LRRIQ3: variants seen among roughly 807,000 people sequenced by gnomAD.
The protein encoded by LRRIQ3 is leucine-rich repeat and IQ domain-containing protein 3.
LRRIQ3 carries 75 observed loss-of-function variants against 59.3 expected under a neutral mutation model. That is an observed-to-expected ratio of 1.26 (90% CI 1.05 to 1.53). The LOEUF (loss-of-function observed/expected upper bound fraction) is 1.53. Among genes scored for constraint, LRRIQ3 ranks in the 40% most tolerant of loss-of-function variants. The probability of loss-of-function intolerance (pLI) is 0.00; values close to 1 mark genes in which losing one functional copy is unlikely to be tolerated. For missense variants in LRRIQ3, 831 were observed against 710.0 expected (o/e 1.17, Z -1.94); for synonymous variants, 250 against 231.3 (o/e 1.08, Z -0.73).
intron 6 of LRRIQ3, among the ~76,000 whole-genome samples, chr1:74,050,812 T>C (rs1654347031): frequency 6.6e-6 from 1 of 152,132 alleles, no homozygotes; most frequent in South Asian, 2.1e-4. Flanking sequence ...ACGTACTGAG[T>C]TCTTCCTGAT....
chr1:74,037,796 G>A lies in LRRIQ3; in HGVS notation c.1718+3417C>T, dbSNP rs116499505. 5.2e-3 allele frequency among the ~76,000 whole-genome samples: 793 copies of A among 152,302 alleles called. 10 individuals are homozygous for A. The highest frequency in any genetic ancestry group is 0.018 in the African/African-American group (764 of 41,566). ...AGCCCCCACACCCCAGTCAAGGGAG[G>A]TGGTGAGTGTGCTACCCAGCCTAGG... On this transcript the variant is annotated intron_variant, in intron 7 of 7. Transcript: ENST00000354431.
At chr1:74,050,337 T>G (rs1654335504) in intron 6 of LRRIQ3, among the ~76,000 whole-genome samples, 1 of 152,212 alleles carries the variant, frequency 6.6e-6, no homozygotes, top group South Asian at 2.1e-4. Flanking sequence ...ATGGCTTGTT[T>G]TAGATATAGT....
chr1:74,051,627 C>G (rs1245496695), intron 6 of LRRIQ3, among the ~76,000 whole-genome samples: 2 of 152,038 alleles, frequency 1.3e-5, no homozygotes, highest in Non-Finnish European at 2.9e-5. Flanking sequence ...AAACCCCATA[C>G]GCATTAGAGT....
chr1:74,134,206 C>T (rs555861063), intron 4 of LRRIQ3, among the ~76,000 whole-genome samples: 59 of 152,080 alleles, frequency 3.9e-4, no homozygotes, highest in African/African-American at 1.4e-3. Context: ...CCCAAAATTA[C>T]CATTTTAAGA....
chr1:74,165,424 T>C (rs1032181566), intron 3 of LRRIQ3, among the ~76,000 whole-genome samples: 1 of 151,646 alleles, frequency 6.6e-6, no homozygotes, highest in Non-Finnish European at 1.5e-5. Flanking sequence ...ATATAATTTT[T>C]GTATGTTTAT....
intron 4 of LRRIQ3, among the ~76,000 whole-genome samples, chr1:74,129,826 T>C (rs941478415): frequency 3.3e-5 from 5 of 151,908 alleles, no homozygotes; most frequent in African/African-American, 7.2e-5. Context: ...ACTGGGTCTT[T>C]CTCTTCAAGA....
intron 5 of LRRIQ3, among the ~76,000 whole-genome samples, chr1:74,099,631 G>C (rs535210758): frequency 1.1e-4 from 16 of 152,264 alleles, no homozygotes; most frequent in Non-Finnish European, 2.1e-4. Flanking sequence ...CAATATCCCT[G>C]ATGAACATCG....
chr1:74,109,987 T>C (rs1646672079), intron 4 of LRRIQ3, among the ~76,000 whole-genome samples: 1 of 151,762 alleles, frequency 6.6e-6, no homozygotes, highest in African/African-American at 2.4e-5. Flanking sequence ...AACTAGGAAA[T>C]ATACTCTAGA....
At chr1:74,042,850 G>A (rs1195579851) in intron 6 of LRRIQ3, among the ~76,000 whole-genome samples, 1 of 151,980 alleles carries the variant, frequency 6.6e-6, no homozygotes. Flanking sequence ...CCTTGTCCAA[G>A]AGATTGTTTT....
intron 3 of LRRIQ3, among the ~76,000 whole-genome samples, chr1:74,169,462 T>C (rs2100696100): frequency 6.6e-6 from 1 of 152,288 alleles, no homozygotes; most frequent in South Asian, 2.1e-4. Flanking sequence ...ATAGCTCTAT[T>C]TGTACTTTGT....
intron 3 of LRRIQ3, among the ~76,000 whole-genome samples, chr1:74,163,070 T>TA (rs1388223945): frequency 8.6e-5 from 13 of 151,596 alleles, no homozygotes; most frequent in Admixed American, 8.6e-4. Flanking sequence ...TGGATCACTA[T>TA]ACACTATATA....
intron 3 of LRRIQ3, among the ~76,000 whole-genome samples, chr1:74,163,707 C>G (rs1414649007): frequency 6.6e-6 from 1 of 151,574 alleles, no homozygotes; most frequent in African/African-American, 2.4e-5. Flanking sequence ...ACCAATAAAA[C>G]TGCTTTAAAC....
At chr1:74,080,272 G>T (rs1646258981) in intron 5 of LRRIQ3, among the ~76,000 whole-genome samples, 1 of 151,612 alleles carries the variant, frequency 6.6e-6, no homozygotes, top group Admixed American at 6.6e-5. Flanking sequence ...GGGAGACATA[G>T]TATATTAATA....
At chr1:74,197,624 T>G (rs1197202534) in intron 1 of LRRIQ3, among the ~76,000 whole-genome samples, 1 of 152,156 alleles carries the variant, frequency 6.6e-6, no homozygotes, top group African/African-American at 2.4e-5. Flanking sequence ...GGACTGAATT[T>G]TATACAACTT....
At chr1:74,049,700 T>G (rs1570027853) in intron 6 of LRRIQ3, among the ~76,000 whole-genome samples, 1 of 152,264 alleles carries the variant, frequency 6.6e-6, no homozygotes, top group Admixed American at 6.5e-5. Flanking sequence ...CAGTTCATAC[T>G]TTTCATATTT....
chr1:74,176,763 C>T (rs1431048412), intron 3 of LRRIQ3, among the ~76,000 whole-genome samples: 1 of 152,008 alleles, frequency 6.6e-6, no homozygotes, highest in African/African-American at 2.4e-5. Flanking sequence ...CCATTAGTGT[C>T]AGAGGAGTCT....
At position 74,162,080 on chromosome 1, in the gene LRRIQ3, T is replaced by C. The variant is rs192085615; in HGVS notation, c.574-6214A>G. 2.9e-3 allele frequency among the ~76,000 whole-genome samples: 446 copies of C among 151,946 alleles called. 1 individual carries two copies. The highest frequency in any genetic ancestry group is 0.01 in the African/African-American group (420 of 41,494). ...TATCATGTTTTCATCATTTGTAAAA[T>C]GGAGATAACGATGGTACAACTCACT... is the stretch of plus-strand genomic sequence containing the variant. On this transcript the variant is annotated intron_variant, in intron 3 of 7. Transcript: ENST00000354431.
At chr1:74,099,658 T>C (rs1313046941) in intron 5 of LRRIQ3, among the ~76,000 whole-genome samples, 1 of 152,144 alleles carries the variant, frequency 6.6e-6, no homozygotes, top group Non-Finnish European at 1.5e-5. Context: ...AATTCCTCAA[T>C]AAAATACTAG....
At chr1:74,140,765 T>A (rs1647223382) in intron 4 of LRRIQ3, among the ~76,000 whole-genome samples, 1 of 151,790 alleles carries the variant, frequency 6.6e-6, no homozygotes, top group African/African-American at 2.4e-5. Context: ...ACCAAATAAG[T>A]TATTATCATA....
Sources: allele counts gnomAD v4.1 joint callset (sites outside exome capture counted in the v4.1 genomes callset), GRCh38; gene constraint gnomAD v4.1.1; transcripts MANE v1.5; gene names NCBI Gene and HGNC (gene_info 2026-07-23, HGNC 2026-07-21).